Variants in PROCR observed in about 807,000 individuals in gnomAD.
PROCR encodes the protein endothelial protein C receptor.
PROCR carries 22 observed loss-of-function variants against 24.2 expected under a neutral mutation model. The ratio of observed to expected loss-of-function variants is 0.91; its 90% confidence interval spans 0.65 to 1.30. The LOEUF is 1.30. Ranked by LOEUF, PROCR falls within the 50% of genes most tolerant of loss-of-function variation. PROCR has a pLI of 0.00. For missense variants in PROCR, 288 were observed against 307.7 expected (o/e 0.94, Z 0.48); for synonymous variants, 137 against 139.2 (o/e 0.98, Z 0.11).
intron 1 of PROCR, among the ~76,000 whole-genome samples, chr20:35,196,180 CAAAAAAAAAAA>C (rs68132775): frequency 6.3e-5 from 4 of 63,476 alleles, no homozygotes; most frequent in African/African-American, 2.6e-4. Context: ...AGACTGCCTC[CAAAAAAAAAAA>C]AAAAAAAAAA....
intron 1 of PROCR, among the ~76,000 whole-genome samples, chr20:35,201,295 A>C (rs573151530): frequency 6.6e-6 from 1 of 152,334 alleles, no homozygotes; most frequent in African/African-American, 2.4e-5. Context: ...GGAGACAAGC[A>C]GAAAAATAAC....
intron 1 of PROCR, chr20:35,215,820 GGAGA>G (rs2060380284): frequency 1.0e-6 from 1 of 973,176 alleles, no homozygotes; most frequent in African/African-American, 1.8e-5. Flanking sequence ...AGAGGAAGGA[GGAGA>G]GAGGTCAAGG....
At chr20:35,180,066 C>T (rs1600737708), downstream of PROCR, among the ~76,000 whole-genome samples, 1 of 151,898 alleles carries the variant, frequency 6.6e-6, no homozygotes, top group Non-Finnish European at 1.5e-5. Context: ...GCCAACATGG[C>T]GAAACCCTGT....
At chr20:35,186,846 G>A (rs562713476) in intron 1 of PROCR, among the ~76,000 whole-genome samples, 5 of 151,698 alleles carry the variant, frequency 3.3e-5, no homozygotes, top group South Asian at 4.2e-4. Context: ...CCAGTTACTC[G>A]AGAGGCTAAG....
intron 1 of PROCR, among the ~76,000 whole-genome samples, chr20:35,199,494 T>C (rs2146171201): frequency 6.6e-6 from 1 of 152,258 alleles, no homozygotes; most frequent in East Asian, 1.9e-4. Flanking sequence ...CTCACGCCTG[T>C]AATCCCAGCA....
At chr20:35,176,034 G>T in intron 2 of PROCR, 134 bp from the exon 3 acceptor site, 2 of 1,055,024 alleles carry the variant, frequency 1.9e-6, no homozygotes, top group Non-Finnish European at 1.4e-6. Context: ...TCTCCCCATA[G>T]TTCCCTGACC....
intron 1 of PROCR, chr20:35,174,287 C>G: frequency 4.1e-6 from 1 of 241,244 alleles, no homozygotes; most frequent in South Asian, 5.6e-5. Context: ...TAGAAAGTTA[C>G]TACCCCAGTC....
chr20:35,192,398 C>A (rs1049891866), intron 1 of PROCR, among the ~76,000 whole-genome samples: 45 of 151,702 alleles, frequency 3.0e-4, no homozygotes, highest in Non-Finnish European at 1.8e-4. Context: ...GCCACACTCT[C>A]TTACAGACTA....
chr20:35,172,571 C>G lies in PROCR; in HGVS notation c.70+347C>G, dbSNP rs146274958. Among the ~76,000 whole-genome samples, 20 of 151,300 alleles carry G rather than the reference C, an allele frequency of 1.3e-4. No individual in the cohort carries two copies. In the East Asian group the frequency reaches 3.9e-3, roughly 29 times the overall value. Reference sequence around the variant, plus strand: ...TAGATAGGGGTACATCTAGGGGAGACGGGAAGAGGCTCAGAAGAGAAGAGA... The same window carrying G: ...TAGATAGGGGTACATCTAGGGGAGAGGGGAAGAGGCTCAGAAGAGAAGAGA... On this transcript the variant is annotated intron_variant, in intron 1 of 3. Transcript: ENST00000216968.
At chr20:35,185,030 C>CAAAAAAAAAAAAAAAAA (rs55715132) in intron 1 of PROCR, among the ~76,000 whole-genome samples, 3 of 104,102 alleles carry the variant, frequency 2.9e-5, no homozygotes, top group Non-Finnish European at 5.9e-5. Flanking sequence ...ATCAGTAAGA[C>CAAAAAAAAAAAAAAAAA]AAAAAAAAAA....
At chr20:35,171,565 A>G (rs2085950625), upstream of PROCR, among the ~76,000 whole-genome samples, 1 of 152,188 alleles carries the variant, frequency 6.6e-6, no homozygotes, top group South Asian at 2.1e-4. Context: ...TTTTATGACT[A>G]CTTCTGAGAC....
At chr20:35,177,506 T>C, downstream of PROCR, 3 of 673,844 alleles carry the variant, frequency 4.5e-6, no homozygotes, top group Non-Finnish European at 5.3e-6. Flanking sequence ...TGGAGTGCAA[T>C]GGTGTGATCT....
At chr20:35,197,770 C>T (rs770869492) in intron 1 of PROCR, among the ~76,000 whole-genome samples, 3 of 149,142 alleles carry the variant, frequency 2.0e-5, no homozygotes, top group East Asian at 2.0e-4. Flanking sequence ...CACAGTGAGC[C>T]GAGATCGCGC....
intron 1 of PROCR, among the ~76,000 whole-genome samples, chr20:35,190,298 A>C (rs2086162537): frequency 6.6e-6 from 1 of 152,226 alleles, no homozygotes; most frequent in Non-Finnish European, 1.5e-5. Context: ...CTCGCAATGC[A>C]GGGATATTGT....
At chr20:35,194,270 GAAGT>G (rs1003487015) in intron 1 of PROCR, among the ~76,000 whole-genome samples, 5 of 152,172 alleles carry the variant, frequency 3.3e-5, no homozygotes, top group Admixed American at 6.5e-5. Flanking sequence ...GAAGAACAGA[GAAGT>G]AAGATATTAA....
At chr20:35,200,791 C>A (rs2060315482) in intron 1 of PROCR, among the ~76,000 whole-genome samples, 1 of 152,124 alleles carries the variant, frequency 6.6e-6, no homozygotes, top group African/African-American at 2.4e-5. Context: ...GGATTACAGG[C>A]ATGTTGCCAC....
intron 1 of PROCR, among the ~76,000 whole-genome samples, chr20:35,199,334 C>T (rs539837739): frequency 2.6e-5 from 4 of 152,200 alleles, no homozygotes; most frequent in African/African-American, 4.8e-5. Flanking sequence ...TGGCAATGCA[C>T]GTGGTCACCC....
intron 3 of PROCR, 62 bp downstream of exon 3, chr20:35,176,508 T>C (rs763658056): frequency 6.9e-6 from 11 of 1,605,346 alleles, no homozygotes; most frequent in Admixed American, 5.0e-5. Flanking sequence ...GACAAATGGA[T>C]GGACCTGAAG....
chr20:35,197,336 G>A (rs948473271), intron 1 of PROCR, among the ~76,000 whole-genome samples: 1 of 152,010 alleles, frequency 6.6e-6, no homozygotes, highest in African/African-American at 2.4e-5. Context: ...TAATTGTTTT[G>A]GGGTGTCACA....
Sources: allele counts gnomAD v4.1 joint callset (sites outside exome capture counted in the v4.1 genomes callset), GRCh38; gene constraint gnomAD v4.1.1; transcripts MANE v1.5; gene names NCBI Gene and HGNC (gene_info 2026-07-23, HGNC 2026-07-21).